The following RAB37 variants were observed in gnomAD, a reference collection of about 807,000 sequenced individuals.
RAB37 encodes the protein RAB37, member RAS oncogene family.
Under a neutral mutation model 33.1 loss-of-function variants are expected in RAB37, and 29 were observed. That is an observed-to-expected ratio of 0.88 (90% CI 0.65 to 1.20). The LOEUF is 1.20. Ranked by LOEUF, RAB37 falls within the 50% of genes most tolerant of loss-of-function variation. RAB37 has a pLI of 0.00. For synonymous variants in RAB37, 128 were observed against 119.5 expected (o/e 1.07, Z -0.47); for missense variants, 299 against 301.1 (o/e 0.99, Z 0.05).
intron 1 of RAB37, among the ~76,000 whole-genome samples, chr17:74,719,610 T>C (rs929872072): frequency 2.0e-5 from 3 of 152,178 alleles, no homozygotes; most frequent in African/African-American, 7.2e-5. Context: ...GAAAATCTCC[T>C]GGACTCAAGT....
At chr17:74,715,251 G>A (rs977021626) in intron 1 of RAB37, among the ~76,000 whole-genome samples, 1 of 152,208 alleles carries the variant, frequency 6.6e-6, no homozygotes, top group African/African-American at 2.4e-5. Context: ...CTCAAAGAGG[G>A]ACGCAACCCC....
intron 1 of RAB37, among the ~76,000 whole-genome samples, chr17:74,706,679 C>G (rs1159339187): frequency 6.6e-6 from 1 of 152,066 alleles, no homozygotes; most frequent in Non-Finnish European, 1.5e-5. Flanking sequence ...AAAAACAAAA[C>G]AAAACAAAAC....
At chr17:74,731,413 A>G (rs2144034663) in intron 2 of RAB37, among the ~76,000 whole-genome samples, 1 of 152,314 alleles carries the variant, frequency 6.6e-6, no homozygotes, top group African/African-American at 2.4e-5. Context: ...GAGCAGGGTG[A>G]CTACCTCGGG....
At chr17:74,741,955 G>T (rs971889528) in intron 2 of RAB37, among the ~76,000 whole-genome samples, 1 of 152,218 alleles carries the variant, frequency 6.6e-6, no homozygotes, top group Non-Finnish European at 1.5e-5. Context: ...AGGGCCTCCA[G>T]CAGCAACCAG....
In RAB37 at chr17:74,686,569, T is replaced by A. The variant is rs564170513; in HGVS notation, c.72+14911T>A. Among the ~76,000 whole-genome samples, 44 of 152,160 alleles carry A rather than the reference T, an allele frequency of 2.9e-4. No individual in the cohort carries two copies. In the South Asian group the frequency reaches 8.9e-3, roughly 31 times the overall value. On this transcript the variant is annotated intron_variant, in intron 1 of 7. Coordinates refer to the RAB37 transcript ENST00000340415. Reference sequence around the variant, plus strand: ...CTACACCTAGCTAGTTTTTGTATTTTTTTTAGTAGATACGAGGTTTTGCCA... The same window carrying A: ...CTACACCTAGCTAGTTTTTGTATTTATTTTAGTAGATACGAGGTTTTGCCA...
intron 1 of RAB37, among the ~76,000 whole-genome samples, chr17:74,728,936 T>A (rs1226386549): frequency 6.6e-6 from 1 of 151,992 alleles, no homozygotes; most frequent in Non-Finnish European, 1.5e-5. Context: ...TATGTTTCTG[T>A]GTCGTGTGTG....
At position 74,742,303 on chromosome 17, in the gene RAB37, C is replaced by A; in HGVS notation, c.246+8C>A. The A allele has an allele frequency of 6.2e-7, 1 of 1,610,450 alleles. No homozygotes were observed. Among genetic ancestry groups the A allele is most frequent in the Non-Finnish European group, 8.5e-7 (1 of 1,177,410 alleles). ...GTGAGAGTGAAGCTGCAGGTGAGAC[C>A]AGAGGCTGGAGTTGGGGAGGGAGGA... On this transcript the variant is annotated splice_region_variant and intron_variant, in intron 3 of 8. Coordinates refer to ENST00000392613, the MANE Select transcript of RAB37 (RefSeq NM_001006638.3). This position sits in a 1 kb window ranked among gnomAD's most constrained non-coding sequence, Gnocchi z 4.0.
intron 1 of RAB37, among the ~76,000 whole-genome samples, chr17:74,712,379 C>T (rs1199569356): frequency 6.6e-6 from 1 of 152,146 alleles, no homozygotes; most frequent in East Asian, 1.9e-4. Flanking sequence ...CTAGAACCAC[C>T]ACTCCCTCTC....
chr17:74,694,059 C>T (rs73361336), intron 1 of RAB37, among the ~76,000 whole-genome samples: 17,952 of 152,104 alleles, frequency 0.12, 2,380 homozygotes, highest in African/African-American at 0.32. Flanking sequence ...ACAAACAGTG[C>T]AGACTCCAGG....
intron 1 of RAB37, 94 bp from the exon 2 acceptor site, chr17:74,740,674 C>T: frequency 1.1e-6 from 1 of 892,188 alleles, no homozygotes; most frequent in Non-Finnish European, 1.8e-6. Context: ...TCGTGCCAGC[C>T]CCCTCTTCTC....
At chr17:74,705,950 G>C (rs1219975975) in intron 1 of RAB37, among the ~76,000 whole-genome samples, 3 of 152,152 alleles carry the variant, frequency 2.0e-5, no homozygotes, top group Non-Finnish European at 4.4e-5. Flanking sequence ...GCAGCAACAT[G>C]GATGTGGCTG....
chr17:74,745,123 G>A lies in RAB37; in HGVS notation c.566+39G>A, dbSNP rs757299070. On this transcript the variant is annotated intron_variant, in intron 8 of 8. Transcript: ENST00000392613. The surrounding 1 kb of genome is among the most constrained non-coding windows in gnomAD (Gnocchi z 4.5). ...AGGGAAGGGAAGTGTGCGGGGCAGG[G>A]CGGCACACTCCAGGAATCCAGTAGG... 2.5e-6 allele frequency: 4 copies of A among 1,604,902 alleles called. No homozygotes were observed. The highest frequency in any genetic ancestry group is 4.5e-5 in the East Asian group (2 of 44,822).
intron 1 of RAB37, among the ~76,000 whole-genome samples, chr17:74,686,972 C>T (rs1382670107): frequency 6.6e-6 from 1 of 152,160 alleles, no homozygotes; most frequent in East Asian, 1.9e-4. Context: ...AAACCCTCTG[C>T]GTCATTGATA....
intron 2 of RAB37, among the ~76,000 whole-genome samples, chr17:74,731,908 G>T (rs1348008497): frequency 6.6e-6 from 1 of 152,082 alleles, no homozygotes; most frequent in Admixed American, 6.5e-5. Flanking sequence ...TACTTGGGAG[G>T]CTGAGGCAAG....
At position 74,671,443 on chromosome 17, in the gene RAB37, A is replaced by C; in HGVS notation, c.-144A>C. 1.4e-6 allele frequency: 1 copy of C among 690,902 alleles called. No individual in the cohort carries two copies. Among genetic ancestry groups the C allele is most frequent in the Non-Finnish European group, 2.4e-6 (1 of 412,750 alleles). The allele number at this position is 690,902 out of a possible 1,614,324, so 42.8% of individuals were successfully genotyped here. On this transcript the variant is annotated 5_prime_UTR_variant, in exon 1 of 8. Transcript: ENST00000340415. This position sits in a 1 kb window ranked among gnomAD's most constrained non-coding sequence, Gnocchi z 5.0. ...GTACCGCGCCGCGGCCGCTGCGGGG[A>C]ACTGTCCAGTGCTGAAAACGGATGC... is the stretch of plus-strand genomic sequence containing the variant.
chr17:74,698,388 C>T (rs1001812803), intron 1 of RAB37: 19 of 1,613,520 alleles, frequency 1.2e-5, no homozygotes, highest in Non-Finnish European at 1.5e-5. Flanking sequence ...GGTACTTCAT[C>T]ATCCTCCAAG....
chr17:74,699,049 G>A (rs1598219169), intron 1 of RAB37, among the ~76,000 whole-genome samples: 1 of 151,986 alleles, frequency 6.6e-6, no homozygotes. Flanking sequence ...CTCCCAAGTA[G>A]CGGGGATTAC....
chr17:74,687,637 G>A (rs978536784), intron 1 of RAB37, among the ~76,000 whole-genome samples: 4 of 152,196 alleles, frequency 2.6e-5, no homozygotes, highest in Admixed American at 6.5e-5. Context: ...GGGGGAATCT[G>A]ATTGCTTCAA....
intron 1 of RAB37, chr17:74,703,213 C>A: frequency 2.3e-6 from 3 of 1,292,606 alleles, no homozygotes; most frequent in South Asian, 1.2e-5. Context: ...CGCAGCCCTG[C>A]ACACAGCTCT....
Sources: gnomAD v4.1 joint callset for allele counts (sites outside exome capture counted in the v4.1 genomes callset) on GRCh38, gnomAD v4.1.1 for gene constraint, Gnocchi (gnomAD v3.1) non-coding constraint, MANE v1.5 for transcripts, NCBI Gene and HGNC (gene_info 2026-07-23, HGNC 2026-07-21) for gene names.